The following DHX30 variants were observed in gnomAD, a reference collection of about 807,000 sequenced individuals.
DHX30 encodes the protein DExH-box helicase 30.
In DHX30, 4 loss-of-function variants were observed where a neutral mutation model predicts 116.9. The observed-to-expected ratio is 0.03, with a 90% CI of 0.02 to 0.08. DHX30 has a LOEUF of 0.08. Ranked by LOEUF, DHX30 falls within the 10% of genes least tolerant of loss-of-function variation. DHX30 has a pLI of 1.00. For missense variants in DHX30, 871 were observed against 1,595.1 expected (o/e 0.55, Z 7.73); for synonymous variants, 697 against 651.7 (o/e 1.07, Z -1.06).
At chr3:47,814,253 C>T (rs937739433) in intron 3 of DHX30, among the ~76,000 whole-genome samples, 2 of 148,932 alleles carry the variant, frequency 1.3e-5, no homozygotes, top group Non-Finnish European at 3.0e-5. Context: ...GGTGAAACCC[C>T]GTCTCTACTA....
At chr3:47,816,053 A>G (rs2036036818) in intron 3 of DHX30, 2 of 985,316 alleles carry the variant, frequency 2.0e-6, no homozygotes, top group Non-Finnish European at 2.4e-6. Flanking sequence ...CAGAACTGGA[A>G]TTAGTTTCAA....
At chr3:47,831,912 G>C (rs1417452580) in intron 6 of DHX30, among the ~76,000 whole-genome samples, 1 of 137,084 alleles carries the variant, frequency 7.3e-6, no homozygotes, top group Non-Finnish European at 1.6e-5. Context: ...TTTTCTCTCT[G>C]AAGGCCTTTT....
At chr3:47,845,648 G>A in intron 9 of DHX30, 52 bp from the exon 10 acceptor site, 1 of 1,462,422 alleles carries the variant, frequency 6.8e-7, no homozygotes, top group Non-Finnish European at 9.1e-7. Context: ...TGTCTGGGCT[G>A]GTTTTTGGGG....
At chr3:47,843,483 A>G (rs1228753625) in intron 9 of DHX30, among the ~76,000 whole-genome samples, 1 of 152,208 alleles carries the variant, frequency 6.6e-6, no homozygotes, top group Admixed American at 6.5e-5. Context: ...CATTTTCCAC[A>G]CTGTTGGCCT....
intron 4 of DHX30, among the ~76,000 whole-genome samples, chr3:47,824,577 C>G (rs2036454973): frequency 6.6e-6 from 1 of 152,108 alleles, no homozygotes; most frequent in African/African-American, 2.4e-5. Flanking sequence ...CAGGCATGAG[C>G]CACGGCGCCT....
rs888957149 is a variant in DHX30, at chr3:47,825,309, A to T, written c.125-2038A>T. 5.6e-6 allele frequency: 3 copies of T among 539,440 alleles called. No individual in the cohort carries two copies. In the Admixed American group the frequency reaches 1.2e-4, roughly 21 times the overall value. The allele number at this position is 539,440 out of a possible 1,614,324, so 33.4% of individuals were successfully genotyped here. ...CCTTGACTCCTGGGATGGCAGAGCTAGGGGCGCGGGCCGAAATCGGGCCTG... is the reference window on the plus strand; with the variant it reads ...CCTTGACTCCTGGGATGGCAGAGCTTGGGGCGCGGGCCGAAATCGGGCCTG... On this transcript the variant is annotated intron_variant, in intron 4 of 21. Coordinates refer to ENST00000445061, the MANE Select transcript of DHX30 (RefSeq NM_138615.3).
chr3:47,842,316 TACGAAC>T (rs1481313557), intron 8 of DHX30: 1 of 153,178 alleles, frequency 6.5e-6, no homozygotes, highest in Non-Finnish European at 1.5e-5. Flanking sequence ...ACTGATAAGG[TACGAAC>T]ACCAACAATA....
rs995930948 is a variant in DHX30 at position 47,846,449 on chromosome 3, G to A, written c.1377G>A (p.Thr459=). ...CGGTGGTGGTCATCTCTGGGGACAC[G>A]GGCTGTGGGAAGACCACGCGCATCC... ...QHPVVVISGD[T]GCGKTTRIPQ... Residue 459 remains threonine (T), a synonymous_variant, in exon 11 of 22, where the codon ACG becomes ACA. Coordinates refer to ENST00000445061, the MANE Select transcript of DHX30 (RefSeq NM_138615.3). 2.2e-5 allele frequency: 35 copies of A among 1,614,002 alleles called. No homozygotes were observed. Among genetic ancestry groups the A allele is most frequent in the Non-Finnish European group, 2.6e-5 (31 of 1,180,056 alleles).
rs71070236 is a variant in DHX30 at position 47,833,537 on chromosome 3, C to CAAAA, written c.366+4421_366+4424dup. ...GCAAAGCAGGACTCTCTCTCTCTCTCAAAAAAAAAAAAAAAAAAAAAGAAA... is the reference window on the plus strand; with the variant it reads ...GCAAAGCAGGACTCTCTCTCTCTCTCAAAAAAAAAAAAAAAAAAAAAAAAAGAAA... On this transcript the variant is annotated intron_variant, in intron 6 of 21. Coordinates refer to ENST00000445061, the MANE Select transcript of DHX30 (RefSeq NM_138615.3). Among the ~76,000 whole-genome samples, 115 of 62,266 alleles carry CAAAA rather than the reference C, an allele frequency of 1.8e-3. 4 individuals carry two copies. The highest frequency in any genetic ancestry group is 4.7e-3 in the African/African-American group (68 of 14,494). 40.8% of individuals were successfully genotyped at this position (62,266 alleles called of 152,430 possible).
At chr3:47,810,287 G>T (rs1192257490) in intron 2 of DHX30, among the ~76,000 whole-genome samples, 1 of 152,114 alleles carries the variant, frequency 6.6e-6, no homozygotes, top group African/African-American at 2.4e-5. Context: ...AAACCTGCAA[G>T]TATTATGATA....
intron 6 of DHX30, among the ~76,000 whole-genome samples, chr3:47,833,934 G>T (rs536635272): frequency 1.3e-5 from 2 of 152,064 alleles, no homozygotes; most frequent in South Asian, 4.2e-4. Flanking sequence ...AGTCCTTATG[G>T]TGTACATTAG....
At chr3:47,803,387 G>C (rs1442496632) in intron 1 of DHX30, among the ~76,000 whole-genome samples, 175 bp downstream of exon 1, 1 of 152,000 alleles carries the variant, frequency 6.6e-6, no homozygotes, top group South Asian at 2.1e-4. Context: ...CCGGGAAGCC[G>C]GCCCGGCCGA....
At position 47,819,230 on chromosome 3, in the gene DHX30, G is replaced by C. The variant is rs375837967; in HGVS notation, c.124+1113G>C. 55 of 1,367,522 alleles carry C rather than the reference G, an allele frequency of 4.0e-5. No individual in the cohort carries two copies. The African/African-American group carries it at 4.9e-4, about 12-fold the overall frequency. The allele number at this position is 1,367,522 out of a possible 1,614,324, so 84.7% of individuals were successfully genotyped here. On this transcript the variant is annotated intron_variant, in intron 4 of 21. Transcript: ENST00000445061. ...TCTTTCTTAAAATGCCCTGTAACTC[G>C]AAAAGGCTGAACGTTAACATTTCCA...
In DHX30 at chr3:47,822,832, G is replaced by A. The variant is rs534419474; in HGVS notation, c.125-4515G>A. Among the ~76,000 whole-genome samples the A allele has an allele frequency of 8.6e-5, 13 of 151,748 alleles. No homozygotes were observed. The South Asian group carries it at 2.1e-3, about 24-fold the overall frequency. On this transcript the variant is annotated intron_variant, in intron 4 of 21. Coordinates refer to ENST00000445061, the MANE Select transcript of DHX30 (RefSeq NM_138615.3). The stretch of plus-strand genomic sequence containing the variant: ...AGAAAGGCCAGGCGCAGTGGCCCAC[G>A]CCCGTAATCCCAGCACTTTGAGAGG...
At chr3:47,845,961 C>T (rs2037586741) in intron 10 of DHX30, 109 bp downstream of exon 10, 1 of 1,490,470 alleles carries the variant, frequency 6.7e-7, no homozygotes, top group South Asian at 1.3e-5. Flanking sequence ...CCATTCTCTT[C>T]ACTGAGTTTG....
chr3:47,807,922 T>A (rs894283339), intron 2 of DHX30, among the ~76,000 whole-genome samples: 1 of 151,372 alleles, frequency 6.6e-6, no homozygotes, highest in Admixed American at 6.6e-5. Context: ...TTTTTTAAAT[T>A]TTTTTGAGAC....
chr3:47,834,119 T>C (rs1298441804), intron 6 of DHX30, among the ~76,000 whole-genome samples: 1 of 152,172 alleles, frequency 6.6e-6, no homozygotes, highest in African/African-American at 2.4e-5. Flanking sequence ...TTGTTTTGTT[T>C]TTGAGACCAA....
chr3:47,818,729 C>T (rs1041916743), intron 4 of DHX30, among the ~76,000 whole-genome samples: 1 of 152,148 alleles, frequency 6.6e-6, no homozygotes, highest in East Asian at 1.9e-4. Context: ...AGGGATAGGA[C>T]CCAGGGAAGC....
chr3:47,848,863 G>A lies in DHX30; in HGVS notation c.2769+46G>A. ...GGAGCCGTCCACCCACTGCTGTTCT[G>A]AGGGGGCGTTGTCTAGCCCCTGCCT... On this transcript the variant is annotated intron_variant, in intron 17 of 21. Transcript: ENST00000445061. This position sits in a 1 kb window ranked among gnomAD's most constrained non-coding sequence, Gnocchi z 9.4. 1 of 1,599,190 alleles carries A rather than the reference G, an allele frequency of 6.3e-7. No homozygotes were observed. The highest frequency in any genetic ancestry group is 1.7e-4 in the Middle Eastern group (1 of 6,010).
Sources: gnomAD v4.1 joint callset for allele counts (sites outside exome capture counted in the v4.1 genomes callset) on GRCh38, gnomAD v4.1.1 for gene constraint, Gnocchi (gnomAD v3.1) non-coding constraint, MANE v1.5 for transcripts, NCBI Gene and HGNC (gene_info 2026-07-23, HGNC 2026-07-21) for gene names.